The following LDLRAD4 variants were observed in gnomAD, a reference collection of about 807,000 sequenced individuals.
LDLRAD4 encodes low density lipoprotein receptor class A domain containing 4.
LDLRAD4 carries 5 observed loss-of-function variants against 17.0 expected under a neutral mutation model. The observed-to-expected ratio is 0.29, with a 90% CI of 0.15 to 0.62. The LOEUF (loss-of-function observed/expected upper bound fraction) is 0.62, where lower values mean the gene tolerates loss of function less well. Among genes scored for constraint, LDLRAD4 ranks in the 20% least tolerant of loss-of-function variants. The probability of loss-of-function intolerance (pLI) is 0.84; values close to 1 mark genes in which losing one functional copy is unlikely to be tolerated. For synonymous variants in LDLRAD4, 168 were observed against 171.8 expected (o/e 0.98, Z 0.17); for missense variants, 340 against 424.7 (o/e 0.80, Z 1.75).
chr18:13,343,122 G>A (rs189627314), intron 1 of LDLRAD4, among the ~76,000 whole-genome samples: 12 of 152,080 alleles, frequency 7.9e-5, no homozygotes, highest in African/African-American at 2.7e-4. Flanking sequence ...TAGGGTACAT[G>A]TGCACAACGT....
In LDLRAD4 at chr18:13,246,368, T is replaced by C. The variant is rs116337079; in HGVS notation, c.-467+27380T>C. Among the ~76,000 whole-genome samples the C allele has an allele frequency of 3.6e-3, 549 of 152,320 alleles. 5 individuals carry two copies. The highest frequency in any genetic ancestry group is 0.012 in the African/African-American group (517 of 41,578). On this transcript the variant is annotated intron_variant, in intron 1 of 5. Transcript: ENST00000399848. Reference sequence around the variant, plus strand: ...TGTGCATTCTGGTGCATTTCTGCAGTCCTGAGTTTGGGATAGACAGTAACA... The same window carrying C: ...TGTGCATTCTGGTGCATTTCTGCAGCCCTGAGTTTGGGATAGACAGTAACA...
At chr18:13,236,844 C>T (rs2042364320) in intron 1 of LDLRAD4, among the ~76,000 whole-genome samples, 1 of 152,116 alleles carries the variant, frequency 6.6e-6, no homozygotes, top group Non-Finnish European at 1.5e-5. Context: ...GTTTTAATTC[C>T]CCTTTGCTTT....
At chr18:13,243,520 A>G (rs2042776235) in intron 1 of LDLRAD4, among the ~76,000 whole-genome samples, 1 of 146,708 alleles carries the variant, frequency 6.8e-6, no homozygotes, top group South Asian at 2.2e-4. Context: ...TCACCCACCC[A>G]TCCATCATCC....
chr18:13,268,380 T>C (rs2044341296), intron 1 of LDLRAD4, among the ~76,000 whole-genome samples: 1 of 152,208 alleles, frequency 6.6e-6, no homozygotes, highest in Non-Finnish European at 1.5e-5. Flanking sequence ...GGTCTTTATA[T>C]GCACATCTGA....
At chr18:13,356,635 C>T (rs2083358913) in intron 1 of LDLRAD4, among the ~76,000 whole-genome samples, 1 of 152,280 alleles carries the variant, frequency 6.6e-6, no homozygotes, top group Non-Finnish European at 1.5e-5. Context: ...ACAGTTTCCC[C>T]TGGAACCACC....
chr18:13,644,681 C>T (rs1419278723), intron 5 of LDLRAD4: 1 of 155,478 alleles, frequency 6.4e-6, no homozygotes, highest in Non-Finnish European at 1.4e-5. Context: ...CCTGAGAAAG[C>T]AGGCAGCCCT....
chr18:13,306,210 T>G (rs1334777475), intron 1 of LDLRAD4, among the ~76,000 whole-genome samples: 1 of 152,244 alleles, frequency 6.6e-6, no homozygotes, highest in East Asian at 1.9e-4. Context: ...GGCTAACTCT[T>G]ATCATTTTGT....
intron 1 of LDLRAD4, among the ~76,000 whole-genome samples, chr18:13,381,726 C>T (rs2085383978): frequency 6.6e-6 from 1 of 152,228 alleles, no homozygotes; most frequent in Admixed American, 6.5e-5. Context: ...CTGGTCCCAG[C>T]TCAAGTTGGA....
At position 13,401,055 on chromosome 18, in the gene LDLRAD4, G is replaced by A. The variant is rs145336096; in HGVS notation, c.40+13293G>A. 3.8e-3 allele frequency among the ~76,000 whole-genome samples: 573 copies of A among 152,314 alleles called. 12 individuals are homozygous for A. The East Asian group carries it at 0.056, about 15-fold the overall frequency. ...TGGGCAAGAGATGGGGGGAATGGCC[G>A]TTGCTGATAGGAGGGCAAGGTGAGG... On this transcript the variant is annotated intron_variant, in intron 2 of 5. Coordinates refer to ENST00000359446, the Ensembl canonical transcript of LDLRAD4.
intron 1 of LDLRAD4, among the ~76,000 whole-genome samples, chr18:13,349,434 C>A (rs2082910607): frequency 6.6e-6 from 1 of 151,990 alleles, no homozygotes; most frequent in Non-Finnish European, 1.5e-5. Context: ...TTACAATAAC[C>A]CTGGTTTTTA....
intron 1 of LDLRAD4, among the ~76,000 whole-genome samples, chr18:13,257,271 CT>C (rs1238885714): frequency 1.3e-5 from 2 of 152,200 alleles, no homozygotes; most frequent in Non-Finnish European, 2.9e-5. Context: ...GAAACCTCTG[CT>C]TTGAAAATGT....
intron 3 of LDLRAD4, among the ~76,000 whole-genome samples, chr18:13,548,108 G>A (rs1194551942): frequency 6.6e-6 from 1 of 152,208 alleles, no homozygotes; most frequent in African/African-American, 2.4e-5. Context: ...GCAGAGAGGA[G>A]ACCCAGAGTG....
intron 3 of LDLRAD4, among the ~76,000 whole-genome samples, chr18:13,551,151 C>G (rs1001909784): frequency 6.6e-6 from 1 of 152,194 alleles, no homozygotes; most frequent in African/African-American, 2.4e-5. Context: ...ACTTCACCTC[C>G]AACGGCCACG....
rs565001487 is a variant in LDLRAD4 at position 13,398,293 on chromosome 18, C to T, written c.40+10531C>T. Among the ~76,000 whole-genome samples the T allele has an allele frequency of 7.2e-5, 11 of 152,142 alleles. No individual in the cohort carries two copies. The highest frequency in any genetic ancestry group is 6.2e-4 in the South Asian group (3 of 4,810). On this transcript the variant is annotated intron_variant, in intron 2 of 5. Transcript: ENST00000359446. This position sits in a 1 kb window ranked among gnomAD's most constrained non-coding sequence, Gnocchi z 4.8. ...TGTGTACCTTAGATAACCTCACTGGCGTTTGTCATTCTGCTTTTGGAATGC... is the reference window on the plus strand; with the variant it reads ...TGTGTACCTTAGATAACCTCACTGGTGTTTGTCATTCTGCTTTTGGAATGC...
chr18:13,357,271 G>C (rs370984112), intron 1 of LDLRAD4, among the ~76,000 whole-genome samples: 136 of 152,074 alleles, frequency 8.9e-4, no homozygotes, highest in African/African-American at 3.2e-3. Flanking sequence ...TAGAGATGAG[G>C]TCTTGCTCTG....
intron 4 of LDLRAD4, among the ~76,000 whole-genome samples, chr18:13,638,733 G>A (rs897093871): frequency 1.3e-5 from 2 of 152,228 alleles, no homozygotes; most frequent in Admixed American, 1.3e-4. Context: ...GATCCCTAGA[G>A]TAATGTCCCT....
rs769022170 is a variant in LDLRAD4 at position 13,621,698 on chromosome 18, C to T, written c.336+427C>T. Among the ~76,000 whole-genome samples, 6 of 152,142 alleles carry T rather than the reference C, an allele frequency of 3.9e-5. No individual in the cohort carries two copies. The highest frequency in any genetic ancestry group is 8.8e-5 in the Non-Finnish European group (6 of 68,026). ...CTGCGGGGACAAATCACGCGCTCAT[C>T]GTCACTAAACGTGCCGGCAGCACAT... On this transcript the variant is annotated intron_variant, in intron 4 of 5. Transcript: ENST00000359446. This position sits in a 1 kb window ranked among gnomAD's most constrained non-coding sequence, Gnocchi z 5.5.
chr18:13,311,411 C>T (rs1293273604), intron 1 of LDLRAD4, among the ~76,000 whole-genome samples: 1 of 152,232 alleles, frequency 6.6e-6, no homozygotes. Context: ...TCTGATGGCC[C>T]TCCGGGCTTG....
At chr18:13,535,748 T>C (rs1277373221) in intron 3 of LDLRAD4, among the ~76,000 whole-genome samples, 1 of 152,194 alleles carries the variant, frequency 6.6e-6, no homozygotes, top group Non-Finnish European at 1.5e-5. Flanking sequence ...GTCACAAAGA[T>C]TTTCTCCCAT....
Sources: gnomAD v4.1 joint callset for allele counts (sites outside exome capture counted in the v4.1 genomes callset) on GRCh38, gnomAD v4.1.1 for gene constraint, Gnocchi (gnomAD v3.1) non-coding constraint, MANE v1.5 for transcripts, NCBI Gene and HGNC (gene_info 2026-07-23, HGNC 2026-07-21) for gene names.